Variants in RPS6KA5 observed in about 807,000 individuals in gnomAD.
RPS6KA5 encodes ribosomal protein S6 kinase A5.
RPS6KA5 carries 27 observed loss-of-function variants against 85.5 expected under a neutral mutation model. The ratio of observed to expected loss-of-function variants is 0.32; its 90% CI spans 0.23 to 0.44. RPS6KA5 has a LOEUF of 0.44. Among genes scored for constraint, RPS6KA5 ranks in the 20% least tolerant of loss-of-function variants. The pLI is 1.00. For synonymous variants in RPS6KA5, 334 were observed against 348.2 expected, an observed-to-expected ratio of 0.96 and a Z score of 0.46; for missense variants, 811 against 980.9, an observed-to-expected ratio of 0.83 and a Z score of 2.31.
At chr14:91,038,837 T>G (rs982782226) in intron 1 of RPS6KA5, among the ~76,000 whole-genome samples, 4 of 152,212 alleles carry the variant, frequency 2.6e-5, no homozygotes, top group African/African-American at 9.6e-5. Flanking sequence ...TTTAGCCCAG[T>G]TGACACAGTA....
At chr14:90,998,044 ATG>A (rs922004271) in intron 2 of RPS6KA5, among the ~76,000 whole-genome samples, 1 of 147,664 alleles carries the variant, frequency 6.8e-6, no homozygotes, top group African/African-American at 2.5e-5. Context: ...TGAAGTAGTG[ATG>A]TGTACTACAA....
chr14:90,950,820 C>T (rs1478772824), intron 3 of RPS6KA5, among the ~76,000 whole-genome samples: 2 of 151,952 alleles, frequency 1.3e-5, no homozygotes, highest in South Asian at 2.1e-4. Context: ...CATTTATATT[C>T]ATAAGAGATA....
At chr14:90,919,369 AT>A (rs1437879923) in intron 7 of RPS6KA5, among the ~76,000 whole-genome samples, 1 of 152,122 alleles carries the variant, frequency 6.6e-6, no homozygotes, top group Non-Finnish European at 1.5e-5. Context: ...TATTTTGCCC[AT>A]TGTTAAAATT....
intron 1 of RPS6KA5, among the ~76,000 whole-genome samples, chr14:91,039,627 G>A (rs1054552705): frequency 3.9e-5 from 6 of 152,208 alleles, no homozygotes; most frequent in Admixed American, 2.0e-4. Context: ...AGAGAACTAA[G>A]CCTTGGAGGA....
At chr14:90,898,713 C>T (rs190271821) in intron 12 of RPS6KA5, among the ~76,000 whole-genome samples, 12 of 152,300 alleles carry the variant, frequency 7.9e-5, no homozygotes, top group African/African-American at 2.9e-4. Context: ...CAATTTCTGT[C>T]ATGTGTGAGG....
At chr14:90,878,241 A>G (rs2033606637) in intron 14 of RPS6KA5, among the ~76,000 whole-genome samples, 1 of 152,208 alleles carries the variant, frequency 6.6e-6, no homozygotes, top group Non-Finnish European at 1.5e-5. Flanking sequence ...CTGAATGAGT[A>G]AGAACCCTTT....
intron 12 of RPS6KA5, 102 bp from the exon 13 acceptor site, chr14:90,894,685 AT>A: frequency 7.7e-7 from 1 of 1,298,464 alleles, no homozygotes; most frequent in Non-Finnish European, 1.0e-6. Context: ...CGTTTAAATA[AT>A]CCCCTGTTAA....
chr14:90,915,394 T>C (rs1288272257), intron 7 of RPS6KA5, among the ~76,000 whole-genome samples: 2 of 152,218 alleles, frequency 1.3e-5, no homozygotes. Context: ...CCTAGTGGAC[T>C]CTACTGCCTT....
At chr14:91,048,876 G>A (rs2042966101) in intron 1 of RPS6KA5, among the ~76,000 whole-genome samples, 1 of 152,176 alleles carries the variant, frequency 6.6e-6, no homozygotes, top group South Asian at 2.1e-4. Flanking sequence ...ATTTTCCCTA[G>A]AGCAGTTTTC....
At chr14:91,009,393 T>C (rs1403962797) in intron 1 of RPS6KA5, among the ~76,000 whole-genome samples, 1 of 152,190 alleles carries the variant, frequency 6.6e-6, no homozygotes, top group Non-Finnish European at 1.5e-5. Context: ...CTGTTGTTTA[T>C]AAATTACCTA....
intron 14 of RPS6KA5, among the ~76,000 whole-genome samples, 158 bp downstream of exon 14, chr14:90,890,329 A>G (rs1356516515): frequency 6.6e-6 from 1 of 152,264 alleles, no homozygotes; most frequent in East Asian, 1.9e-4. Context: ...ATTTTAAGAC[A>G]GGGAAATACT....
chr14:91,010,376 C>A (rs2041208821), intron 1 of RPS6KA5, among the ~76,000 whole-genome samples: 1 of 152,082 alleles, frequency 6.6e-6, no homozygotes, highest in South Asian at 2.1e-4. Flanking sequence ...AGCTGGGGAG[C>A]TAGAAAATTC....
chr14:90,982,375 T>A (rs917295270), intron 2 of RPS6KA5, among the ~76,000 whole-genome samples: 3 of 151,730 alleles, frequency 2.0e-5, no homozygotes, highest in African/African-American at 7.3e-5. Flanking sequence ...GATAGAAGGA[T>A]CACTTGAGGC....
chr14:90,949,887 C>G lies in RPS6KA5; in HGVS notation c.395-2337G>C, dbSNP rs2038083152. ...CCTAAAATATCAAGTGACCTACTTCCTACTTTTGGGATGGATTGACTTGAC... is the reference window on the plus strand; with the variant it reads ...CCTAAAATATCAAGTGACCTACTTCGTACTTTTGGGATGGATTGACTTGAC... On this transcript the variant is annotated intron_variant, in intron 3 of 16. Transcript: ENST00000614987. Among the ~76,000 whole-genome samples the G allele has an allele frequency of 2.0e-5, 3 of 152,150 alleles. No individual in the cohort carries two copies. In the South Asian group the frequency reaches 6.2e-4, roughly 32 times the overall value.
chr14:90,920,407 T>A, intron 6 of RPS6KA5, 98 bp from the exon 7 acceptor site: 2 of 859,402 alleles, frequency 2.3e-6, no homozygotes, highest in Non-Finnish European at 3.7e-6. Context: ...GAAAATGTTT[T>A]AAAAAATGAT....
intron 3 of RPS6KA5, among the ~76,000 whole-genome samples, chr14:90,977,132 T>C (rs914342069): frequency 1.3e-5 from 2 of 152,188 alleles, no homozygotes; most frequent in Admixed American, 1.3e-4. Flanking sequence ...GTCAGTGATA[T>C]TATGGAATAC....
rs1284954459 is a variant in RPS6KA5 at position 90,848,597 on chromosome 14, G to C, written c.*23477C>G. Reference sequence around the variant, plus strand: ...TAAAATGAAGATACAAAATAAAATTGATCCTTGATGTGAGAATAACTGTAT... The same window carrying C: ...TAAAATGAAGATACAAAATAAAATTCATCCTTGATGTGAGAATAACTGTAT... On this transcript the variant is annotated 3_prime_UTR_variant, in exon 17 of 17. Coordinates refer to ENST00000614987, the MANE Select transcript of RPS6KA5 (RefSeq NM_004755.4). The C allele has an allele frequency of 2.0e-5, 3 of 152,188 alleles. No individual in the cohort carries two copies. The highest frequency in any genetic ancestry group is 2.1e-4 in the South Asian group (1 of 4,830). The allele number at this position is 152,188 out of a possible 1,614,324, so 9.4% of individuals were successfully genotyped here. A position where few individuals can be genotyped will look rare whatever the true frequency, so the allele number is the denominator to read the frequency against.
intron 5 of RPS6KA5, among the ~76,000 whole-genome samples, chr14:90,940,406 C>A (rs926103462): frequency 2.6e-5 from 4 of 152,180 alleles, no homozygotes; most frequent in African/African-American, 9.6e-5. Context: ...CGACTAGCAG[C>A]AAACTCTCCT....
intron 13 of RPS6KA5, among the ~76,000 whole-genome samples, chr14:90,892,628 G>T (rs1254294273): frequency 6.6e-6 from 1 of 152,174 alleles, no homozygotes; most frequent in Non-Finnish European, 1.5e-5. Flanking sequence ...AAGAATGTCA[G>T]CCAGCTTCTA....
Sources: gnomAD v4.1 joint callset for allele counts (sites outside exome capture counted in the v4.1 genomes callset) on GRCh38, gnomAD v4.1.1 for gene constraint, MANE v1.5 for transcripts, NCBI Gene and HGNC (gene_info 2026-07-23, HGNC 2026-07-21) for gene names.